Variants in SAMMSON observed in about 807,000 individuals in gnomAD.
SAMMSON encodes the protein survival associated mitochondrial melanoma specific oncogenic non-coding RNA, also known as long intergenic non-protein coding RNA 1212.
intron 4 of SAMMSON, among the ~76,000 whole-genome samples, chr3:70,176,131 T>C (rs1701007031): frequency 6.6e-6 from 1 of 152,090 alleles, no homozygotes; most frequent in Non-Finnish European, 1.5e-5. Context: ...AAAATCCCAT[T>C]TGTTCACTGT....
intron 7 of SAMMSON, among the ~76,000 whole-genome samples, chr3:70,346,898 C>T (rs1702755753): frequency 6.6e-6 from 1 of 152,152 alleles, no homozygotes; most frequent in Non-Finnish European, 1.5e-5. Flanking sequence ...TATGCTTTAG[C>T]TTCGAGCTGT....
chr3:70,077,335 T>A (rs576242491), intron 4 of SAMMSON, among the ~76,000 whole-genome samples: 60 of 152,296 alleles, frequency 3.9e-4, no homozygotes, highest in Admixed American at 7.8e-4. Flanking sequence ...TTAATTTCTA[T>A]TATAAAAATA....
intron 3 of SAMMSON, among the ~76,000 whole-genome samples, chr3:70,036,617 G>T (rs964245600): frequency 2.0e-5 from 3 of 152,064 alleles, no homozygotes; most frequent in African/African-American, 7.2e-5. Context: ...AGAGGAAATA[G>T]GTCTGCTATA....
chr3:70,295,197 A>T (rs961367885), intron 7 of SAMMSON, among the ~76,000 whole-genome samples: 2 of 152,132 alleles, frequency 1.3e-5, no homozygotes, highest in Non-Finnish European at 2.9e-5. Context: ...TCCTGAACAA[A>T]ATTGAGATTG....
At chr3:70,239,124 T>A (rs1701640136) in intron 4 of SAMMSON, among the ~76,000 whole-genome samples, 1 of 152,194 alleles carries the variant, frequency 6.6e-6, no homozygotes, top group Non-Finnish European at 1.5e-5. Flanking sequence ...GCTGAACTGG[T>A]CTTTCATCAG....
At chr3:70,248,336 T>C (rs1347560522) in intron 4 of SAMMSON, among the ~76,000 whole-genome samples, 1 of 152,078 alleles carries the variant, frequency 6.6e-6, no homozygotes, top group African/African-American at 2.4e-5. Flanking sequence ...TGAAGGAGTT[T>C]ATAAATGGAG....
At chr3:70,352,809 G>T (rs1178776721) in intron 7 of SAMMSON, among the ~76,000 whole-genome samples, 1 of 151,948 alleles carries the variant, frequency 6.6e-6, no homozygotes, top group African/African-American at 2.4e-5. Context: ...ATTTTGAAAA[G>T]AATGAGTTTA....
At chr3:70,147,408 T>C (rs941329309) in intron 4 of SAMMSON, among the ~76,000 whole-genome samples, 1 of 152,016 alleles carries the variant, frequency 6.6e-6, no homozygotes, top group African/African-American at 2.4e-5. Flanking sequence ...ATCTACTCAA[T>C]TTTTGGACTT....
intron 4 of SAMMSON, among the ~76,000 whole-genome samples, chr3:70,164,090 G>C (rs2067626965): frequency 6.6e-6 from 1 of 151,996 alleles, no homozygotes; most frequent in African/African-American, 2.4e-5. Context: ...TTGTGCTGAT[G>C]GATTTAGGTT....
At chr3:70,144,304 T>C (rs1349541011) in intron 4 of SAMMSON, among the ~76,000 whole-genome samples, 5 of 152,088 alleles carry the variant, frequency 3.3e-5, no homozygotes, top group Admixed American at 2.0e-4. Context: ...TGAACTGCTA[T>C]ATATAAAATA....
At chr3:70,072,646 G>GAAAAAAAAAAAAAAAAAAAAAGA (rs35807309) in intron 4 of SAMMSON, 9 of 87,688 alleles carry the variant, frequency 1.0e-4, no homozygotes, top group East Asian at 3.2e-4. Flanking sequence ...AACAGCAAAG[G>GAAAAAAAAAAAAAAAAAAAAAGA]AAAAAAAAAA....
chr3:70,228,158 G>T (rs1402322460), intron 4 of SAMMSON, among the ~76,000 whole-genome samples: 2 of 151,906 alleles, frequency 1.3e-5, no homozygotes, highest in East Asian at 3.9e-4. Flanking sequence ...TGTCTTTACT[G>T]TCCTTAATTT....
chr3:70,355,355 A>G (rs1446508448), intron 8 of SAMMSON, among the ~76,000 whole-genome samples: 1 of 152,182 alleles, frequency 6.6e-6, no homozygotes, highest in Non-Finnish European at 1.5e-5. Flanking sequence ...ATACATGCAA[A>G]GAGCCAACTG....
At chr3:70,013,658 C>G (rs2066968463) in exon 3 of SAMMSON, 1 of 152,120 alleles carries the variant, frequency 6.6e-6, no homozygotes. Context: ...CCTGGAAAGT[C>G]AACTTTACTC....
chr3:70,391,517 C>T (rs984937049), downstream of SAMMSON, among the ~76,000 whole-genome samples: 4 of 151,880 alleles, frequency 2.6e-5, no homozygotes, highest in Admixed American at 2.6e-4. Context: ...GAAAATTATT[C>T]TTGTAATTGG....
At chr3:70,134,696 C>G (rs2067498842) in intron 4 of SAMMSON, among the ~76,000 whole-genome samples, 1 of 152,038 alleles carries the variant, frequency 6.6e-6, no homozygotes. Context: ...ATTTCTAATT[C>G]ATTGTTATTT....
intron 4 of SAMMSON, among the ~76,000 whole-genome samples, chr3:70,229,398 A>G (rs1251691592): frequency 2.0e-5 from 3 of 152,182 alleles, no homozygotes; most frequent in Non-Finnish European, 2.9e-5. Context: ...CATTTTAATT[A>G]CCCTCTCTTT....
intron 4 of SAMMSON, among the ~76,000 whole-genome samples, chr3:70,170,830 C>T (rs1049292559): frequency 2.0e-5 from 3 of 151,832 alleles, no homozygotes; most frequent in Non-Finnish European, 2.9e-5. Context: ...TTTTGGTGAT[C>T]TGCAATTTAT....
intron 7 of SAMMSON, among the ~76,000 whole-genome samples, chr3:70,293,212 G>T (rs1257964168): frequency 4.6e-5 from 7 of 152,118 alleles, no homozygotes; most frequent in African/African-American, 1.7e-4. Context: ...GTCTGGTGAA[G>T]CCTACAGACT....
Sources: allele counts gnomAD v4.1 joint callset (sites outside exome capture counted in the v4.1 genomes callset), GRCh38; gene constraint gnomAD v4.1.1; transcripts MANE v1.5; gene names NCBI Gene and HGNC (gene_info 2026-07-23, HGNC 2026-07-21).